Variants in GLDC observed in about 807,000 individuals in gnomAD.
GLDC encodes the protein glycine decarboxylase, also known as glycine dehydrogenase (decarboxylating), mitochondrial.
Under a neutral mutation model 121.3 loss-of-function variants are expected in GLDC, and 104 were observed. The observed-to-expected ratio is 0.86, with a 90% CI of 0.73 to 1.01. GLDC has a LOEUF of 1.01. Ranked by LOEUF, GLDC falls within the 50% of genes least tolerant of loss-of-function variation. GLDC has a pLI of 0.00. For synonymous variants in GLDC, 546 were observed against 480.6 expected, an observed-to-expected ratio of 1.14 and a Z score of -1.78; for missense variants, 1,429 against 1,306.6, an observed-to-expected ratio of 1.09 and a Z score of -1.44.
intron 1 of GLDC, 37 bp from the exon 2 acceptor site, chr9:6,644,729 G>T (rs766938473): frequency 4.4e-6 from 6 of 1,355,172 alleles, no homozygotes; most frequent in South Asian, 3.5e-5. Context: ...AAGTGCCTCT[G>T]AGTTAAAAGA....
intron 15 of GLDC, among the ~76,000 whole-genome samples, chr9:6,581,001 G>T (rs1818160658): frequency 6.6e-6 from 1 of 152,198 alleles, no homozygotes; most frequent in Non-Finnish European, 1.5e-5. Flanking sequence ...GACATAAAAT[G>T]ACCGTATATG....
intron 2 of GLDC, among the ~76,000 whole-genome samples, chr9:6,627,024 G>A (rs1274070242): frequency 6.6e-6 from 1 of 152,128 alleles, no homozygotes; most frequent in African/African-American, 2.4e-5. Context: ...GGCCGGGCGT[G>A]GTGGCTCATG....
chr9:6,587,048 C>A, intron 15 of GLDC, 93 bp downstream of exon 15: 2 of 1,036,654 alleles, frequency 1.9e-6, no homozygotes, highest in Non-Finnish European at 3.0e-6. Context: ...CACAGAATAA[C>A]ACAAAAAAGT....
At chr9:6,630,946 G>T (rs1000820681) in intron 2 of GLDC, among the ~76,000 whole-genome samples, 3 of 152,200 alleles carry the variant, frequency 2.0e-5, no homozygotes, top group African/African-American at 7.2e-5. Flanking sequence ...CTGGGCAGAG[G>T]AGGGTTTCAC....
At chr9:6,534,665 C>A (rs758426902) in intron 24 of GLDC, 43 bp downstream of exon 24, 1 of 1,005,992 alleles carries the variant, frequency 9.9e-7, no homozygotes, top group Middle Eastern at 2.1e-4. Flanking sequence ...TAGGAGCTGG[C>A]CCATGCCTTC....
intron 22 of GLDC, among the ~76,000 whole-genome samples, chr9:6,539,544 A>G (rs971634890): frequency 6.6e-6 from 1 of 152,178 alleles, no homozygotes; most frequent in Non-Finnish European, 1.5e-5. Flanking sequence ...CACTAGGAAA[A>G]TGTAGTGAGC....
chr9:6,551,904 T>G (rs1817523116), intron 20 of GLDC, among the ~76,000 whole-genome samples: 1 of 152,148 alleles, frequency 6.6e-6, no homozygotes, highest in Non-Finnish European at 1.5e-5. Context: ...TCTCAACCTA[T>G]GTCTCATGGG....
intron 22 of GLDC, 30 bp downstream of exon 22, chr9:6,540,021 G>T: frequency 2.2e-6 from 3 of 1,366,064 alleles, no homozygotes; most frequent in Non-Finnish European, 3.1e-6. Flanking sequence ...GCCAGCATGG[G>T]CGGCGGCATG....
intron 4 of GLDC, among the ~76,000 whole-genome samples, chr9:6,608,624 T>C (rs1320751721): frequency 2.7e-5 from 4 of 150,170 alleles, no homozygotes; most frequent in African/African-American, 7.3e-5. Context: ...CAGGCACCTG[T>C]AGTCCCAGCT....
At chr9:6,629,958 T>TGTGTGTATATATATATATATGTGTATATA in intron 2 of GLDC, among the ~76,000 whole-genome samples, 3 of 78,656 alleles carry the variant, frequency 3.8e-5, no homozygotes, top group African/African-American at 1.2e-4. Flanking sequence ...TATATATATA[T>TGTGTGTATATATATATATATGTGTATATA]TTTTTTTTTT....
rs140013612 is a variant in GLDC, at chr9:6,606,607, A to G, written c.698T>C (p.Val233Ala). 4.2e-4 allele frequency: 668 copies of G among 1,595,924 alleles called. 1 individual carries two copies. The highest frequency in any genetic ancestry group is 5.3e-4 in the Non-Finnish European group (619 of 1,163,694). The change falls in exon 5 of 25, where the codon GTC becomes GCC. Residue 233 changes from valine to alanine, a missense_variant. Val to Ala is a moderately conservative substitution (Grantham distance 64, BLOSUM62 0). Transcript: ENST00000321612. ...PRCHPQTIAV[V>A]QTRAKYTGVL... ...AATTAATTACTTGGCTCGAGTCTGG[A>G]CAACAGCTATTGTCTGTGGGTGGCA...
At chr9:6,583,941 C>T (rs558105587) in intron 15 of GLDC, among the ~76,000 whole-genome samples, 4 of 152,250 alleles carry the variant, frequency 2.6e-5, no homozygotes, top group Middle Eastern at 3.4e-3. Context: ...AGCTCTCAGA[C>T]GGATAATGGT....
intron 21 of GLDC, among the ~76,000 whole-genome samples, chr9:6,546,633 C>T (rs1817396715): frequency 1.3e-5 from 2 of 151,842 alleles, no homozygotes; most frequent in Non-Finnish European, 1.5e-5. Flanking sequence ...TTACAGTTAA[C>T]ATTTTTTTTT....
intron 8 of GLDC, among the ~76,000 whole-genome samples, chr9:6,601,062 A>T (rs1350259215): frequency 1.3e-5 from 2 of 151,882 alleles, no homozygotes; most frequent in Non-Finnish European, 2.9e-5. Flanking sequence ...AATCCCAGTT[A>T]CTCAGGAGGC....
At chr9:6,560,014 C>A (rs1347285084) in intron 16 of GLDC, among the ~76,000 whole-genome samples, 1 of 152,162 alleles carries the variant, frequency 6.6e-6, no homozygotes, top group Non-Finnish European at 1.5e-5. Flanking sequence ...GAGCTTACAG[C>A]TGCACTGAAT....
At chr9:6,622,159 G>GAC (rs60752054) in intron 2 of GLDC, among the ~76,000 whole-genome samples, 13,455 of 145,232 alleles carry the variant, frequency 0.093, 635 homozygotes, top group Non-Finnish European at 0.11. Flanking sequence ...CACACACACA[G>GAC]ACACACACAC....
chr9:6,621,808 G>A (rs553890896), intron 2 of GLDC, among the ~76,000 whole-genome samples: 8 of 152,244 alleles, frequency 5.3e-5, no homozygotes, highest in African/African-American at 1.2e-4. Flanking sequence ...GAGCCACCGC[G>A]CCCTGCCACT....
chr9:6,588,614 C>G lies in GLDC; in HGVS notation c.1665+4G>C. 6.2e-7 allele frequency: 1 copy of G among 1,600,264 alleles called. No homozygotes were observed. Among genetic ancestry groups the G allele is most frequent in the Non-Finnish European group, 8.6e-7 (1 of 1,167,364 alleles). On this transcript the variant is annotated splice_donor_region_variant and intron_variant, in intron 13 of 24. Coordinates refer to ENST00000321612, the MANE Select transcript of GLDC (RefSeq NM_000170.3). The stretch of plus-strand genomic sequence containing the variant: ...AAATGAGAAAAAAGGCCACAAATAA[C>G]TACCAGTGGAATCATGCTGTGAACA...
intron 21 of GLDC, among the ~76,000 whole-genome samples, chr9:6,543,998 G>A (rs1817330461): frequency 6.6e-6 from 1 of 152,142 alleles, no homozygotes. Flanking sequence ...CAATATGGGA[G>A]TGTGCTGTGA....
Sources: gnomAD v4.1 joint callset for allele counts (sites outside exome capture counted in the v4.1 genomes callset) on GRCh38, gnomAD v4.1.1 for gene constraint, MANE v1.5 for transcripts, NCBI Gene and HGNC (gene_info 2026-07-23, HGNC 2026-07-21) for gene names.